Variants in RNF114 observed in about 807,000 individuals in gnomAD.
RNF114 encodes the protein ring finger protein 114.
A neutral mutation model predicts 28.4 loss-of-function variants in RNF114; 6 were observed. The observed-to-expected ratio is 0.21, with a 90% confidence interval of 0.12 to 0.42. The LOEUF is 0.42. RNF114 is among the 10% of genes least tolerant of loss of function. The pLI is 1.00. For missense variants in RNF114, 249 were observed against 311.7 expected (o/e 0.80, Z 1.51); for synonymous variants, 115 against 116.7 (o/e 0.99, Z 0.09).
At chr20:49,945,330 G>C in intron 2 of RNF114, 52 bp from the exon 3 acceptor site, 1 of 1,104,710 alleles carries the variant, frequency 9.1e-7, no homozygotes, top group East Asian at 2.4e-5. Context: ...ACTATATTTT[G>C]CCTGTTGCAA....
intron 2 of RNF114, 52 bp from the exon 3 acceptor site, chr20:49,945,330 G>T: frequency 9.1e-7 from 1 of 1,104,710 alleles, no homozygotes; most frequent in Non-Finnish European, 1.4e-6. Flanking sequence ...ACTATATTTT[G>T]CCTGTTGCAA....
chr20:49,941,328 C>T (rs1478268478), intron 1 of RNF114: 10 of 453,144 alleles, frequency 2.2e-5, no homozygotes, highest in Non-Finnish European at 3.5e-5. Context: ...ACCTTAACAC[C>T]TTCACTGTGT....
At position 49,953,240 on chromosome 20, in the gene RNF114, C is replaced by T. The variant is rs1417127496; in HGVS notation, c.*1099C>T. Reference sequence around the variant, plus strand: ...TGGTCTGTTCTGACGAGACATCGTTCATAAGGCACAGCACATCGCAAGATG... The same window carrying T: ...TGGTCTGTTCTGACGAGACATCGTTTATAAGGCACAGCACATCGCAAGATG... On this transcript the variant is annotated 3_prime_UTR_variant, in exon 6 of 6. Coordinates refer to ENST00000244061, the MANE Select transcript of RNF114 (RefSeq NM_018683.4). 1.3e-5 allele frequency: 2 copies of T among 152,132 alleles called. No homozygotes were observed. The highest frequency in any genetic ancestry group is 4.8e-5 in the African/African-American group (2 of 41,408). 9.4% of individuals were successfully genotyped at this position (152,132 alleles called of 1,614,324 possible).
intron 1 of RNF114, among the ~76,000 whole-genome samples, chr20:49,937,052 G>C (rs912710953): frequency 3.3e-5 from 5 of 152,170 alleles, no homozygotes; most frequent in Admixed American, 3.3e-4. Flanking sequence ...TGGCCAGTTT[G>C]CCCTTAGCTG....
intron 1 of RNF114, 149 bp from the exon 2 acceptor site, chr20:49,941,412 G>T: frequency 1.2e-6 from 1 of 810,556 alleles, no homozygotes; most frequent in Non-Finnish European, 1.9e-6. Context: ...CATTTTTTCT[G>T]GCTTGGAAGG....
intron 3 of RNF114, among the ~76,000 whole-genome samples, chr20:49,945,734 C>T (rs1023158842): frequency 1.3e-5 from 2 of 152,170 alleles, no homozygotes; most frequent in African/African-American, 2.4e-5. Context: ...GGTGCAATCT[C>T]AGCTCACTGC....
At chr20:49,946,549 A>G (rs907188009) in intron 4 of RNF114, among the ~76,000 whole-genome samples, 4 of 152,192 alleles carry the variant, frequency 2.6e-5, no homozygotes, top group Admixed American at 6.6e-5. Flanking sequence ...TTTTGTGTGT[A>G]TAATTAATCA....
chr20:49,944,540 T>A (rs1389721822), intron 2 of RNF114: 1 of 152,228 alleles, frequency 6.6e-6, no homozygotes, highest in Admixed American at 6.5e-5. Context: ...CACTATTCTC[T>A]GGGTTTTCTT....
At chr20:49,937,333 A>G (rs1017800000) in intron 1 of RNF114, among the ~76,000 whole-genome samples, 4 of 152,180 alleles carry the variant, frequency 2.6e-5, no homozygotes, top group Admixed American at 6.5e-5. Context: ...ATTGTAGACA[A>G]CGTGGCCACC....
chr20:49,950,696 A>C (rs536652454), intron 5 of RNF114, among the ~76,000 whole-genome samples: 54 of 151,590 alleles, frequency 3.6e-4, no homozygotes, highest in South Asian at 2.7e-3. Context: ...AAAAAAAAAA[A>C]AAAACAAAAC....
At chr20:49,943,865 C>T (rs1339232448) in intron 2 of RNF114, 13 of 72,206 alleles carry the variant, frequency 1.8e-4, no homozygotes, top group Admixed American at 5.5e-4. Flanking sequence ...CACATACATA[C>T]ACACAGAGAT....
chr20:49,936,564 G>A lies in RNF114; in HGVS notation c.140+12G>A, dbSNP rs561444944. The A allele has an allele frequency of 3.2e-6, 5 of 1,583,582 alleles. No individual in the cohort carries two copies. The East Asian group carries it at 7.2e-5, about 23-fold the overall frequency. On this transcript the variant is annotated intron_variant, in intron 1 of 5. Transcript: ENST00000244061. The stretch of plus-strand genomic sequence containing the variant: ...CCCTGCGGACACGTGTAAGCGGCGA[G>A]CCCGGGCCTGGTCGGGGGGCGCTTA...
chr20:49,939,674 G>T (rs2090299643), intron 1 of RNF114, among the ~76,000 whole-genome samples: 1 of 151,650 alleles, frequency 6.6e-6, no homozygotes. Flanking sequence ...ATCCCCTGCT[G>T]CTTCAGTCAG....
chr20:49,945,612 G>A (rs1225299492), intron 3 of RNF114, 124 bp downstream of exon 3: 1 of 630,546 alleles, frequency 1.6e-6, no homozygotes, highest in Admixed American at 2.6e-5. Context: ...AGTATTTTGG[G>A]AGGAGTATGC....
rs761308743 is a variant in RNF114, at chr20:49,946,143, C to G, written c.406C>G (p.Pro136Ala). Reference sequence around the variant, plus strand: ...CTGTGTTTCACCTTCCAGGAATGTTCCAAACCGTTACACCTTTCCTTGTCC... The same window carrying G: ...CTGTGTTTCACCTTCCAGGAATGTTGCAAACCGTTACACCTTTCCTTGTCC... Reference protein sequence around the residue: ...KDASLQPRNVPNRYTFPCPYC... With the variant: ...KDASLQPRNVANRYTFPCPYC... Residue 136 changes from proline to alanine, a missense_variant, in exon 4 of 6, where the codon CCA (proline) becomes GCA (alanine). Pro to Ala is a conservative substitution (Grantham distance 27). Around this residue, in one of 2 missense-constraint regions of RNF114, gnomAD observed 126 missense variants for 205.3 expected, o/e 0.61. Transcript: ENST00000244061. 3.8e-6 allele frequency: 6 copies of G among 1,588,354 alleles called. No homozygotes were observed. Among genetic ancestry groups the G allele is most frequent in the African/African-American group, 1.4e-5 (1 of 73,354 alleles).
intron 5 of RNF114, among the ~76,000 whole-genome samples, chr20:49,951,773 G>A (rs564030915): frequency 2.0e-5 from 3 of 152,230 alleles, no homozygotes; most frequent in Non-Finnish European, 4.4e-5. Context: ...CAGCTACTCG[G>A]GAGGCTGAGG....
chr20:49,952,477 G>T lies in RNF114; in HGVS notation c.*336G>T, dbSNP rs1457791193. On this transcript the variant is annotated 3_prime_UTR_variant, in exon 6 of 6. Coordinates refer to ENST00000244061, the MANE Select transcript of RNF114 (RefSeq NM_018683.4). The stretch of plus-strand genomic sequence containing the variant: ...GTTTCACACTCATTCCTCCCATCCA[G>T]TGTTTGTCTCTCGGGTCCTTCAAGC... 1 of 487,582 alleles carries T rather than the reference G, an allele frequency of 2.1e-6. No homozygotes were observed. 30.2% of individuals were successfully genotyped at this position (487,582 alleles called of 1,614,324 possible). A position where few individuals can be genotyped will look rare whatever the true frequency, so the allele number is the denominator to read the frequency against.
chr20:49,945,772 T>C (rs1421253392), intron 3 of RNF114, among the ~76,000 whole-genome samples: 1 of 152,196 alleles, frequency 6.6e-6, no homozygotes, highest in Non-Finnish European at 1.5e-5. Context: ...TTCAAGCGAT[T>C]CTCCTGCCTC....
chr20:49,937,759 T>G (rs2146852485), intron 1 of RNF114, among the ~76,000 whole-genome samples: 1 of 151,660 alleles, frequency 6.6e-6, no homozygotes, highest in East Asian at 2.0e-4. Flanking sequence ...ACCATCCCCA[T>G]CTAAATTACT....
Sources: gnomAD v4.1 joint callset for allele counts (sites outside exome capture counted in the v4.1 genomes callset) on GRCh38, gnomAD v4.1.1 for gene constraint, gnomAD v4.1.1 regional missense constraint, MANE v1.5 for transcripts, NCBI Gene and HGNC (gene_info 2026-07-23, HGNC 2026-07-21) for gene names.